The following USP53 variants were observed in gnomAD, a reference collection of about 807,000 sequenced individuals.
USP53 encodes ubiquitin carboxyl-terminal hydrolase 53.
Under a neutral mutation model 94.9 loss-of-function variants are expected in USP53, and 71 were observed. The observed-to-expected ratio is 0.75, with a 90% confidence interval of 0.62 to 0.91. The LOEUF (loss-of-function observed/expected upper bound fraction) is 0.91. Ranked by LOEUF, USP53 falls within the 40% of genes least tolerant of loss-of-function variation. USP53 has a pLI of 0.00. For missense variants in USP53, 1,173 were observed against 1,281.0 expected (o/e 0.92, Z 1.29); for synonymous variants, 375 against 422.7 (o/e 0.89, Z 1.39).
intron 17 of USP53, among the ~76,000 whole-genome samples, chr4:119,285,675 A>G (rs935071025): frequency 2.0e-5 from 3 of 152,084 alleles, no homozygotes; most frequent in South Asian, 2.1e-4. Context: ...ATACATATAC[A>G]TAAGTTTTCT....
rs143163443 is a variant in USP53, at chr4:119,238,526, T to C, written c.-542-692T>C. Among the ~76,000 whole-genome samples, 605 of 152,262 alleles carry C rather than the reference T, an allele frequency of 4.0e-3. 4 individuals are homozygous for C. The highest frequency in any genetic ancestry group is 6.7e-3 in the Non-Finnish European group (457 of 68,002). Reference sequence around the variant, plus strand: ...CAGATCAGCATAACAGATACAGTAATAATGAAAAAGAATTACTGAAGTGTG... The same window carrying C: ...CAGATCAGCATAACAGATACAGTAACAATGAAAAAGAATTACTGAAGTGTG... On this transcript the variant is annotated intron_variant, in intron 4 of 18. Transcript: ENST00000692078.
intron 17 of USP53, among the ~76,000 whole-genome samples, chr4:119,274,310 A>G (rs954342166): frequency 7.4e-6 from 1 of 135,720 alleles, no homozygotes; most frequent in Non-Finnish European, 1.5e-5. Context: ...ATGTGATCTC[A>G]TTGTTCAATT....
In USP53 at chr4:119,230,037, A is replaced by C. The variant is rs376976631; in HGVS notation, c.-664-5253A>C. Reference sequence around the variant, plus strand: ...GTGCTCGTTTTTCAATATATAATAAAATGTAACCTCTCCAAGAAGCCTATT... The same window carrying C: ...GTGCTCGTTTTTCAATATATAATAACATGTAACCTCTCCAAGAAGCCTATT... On this transcript the variant is annotated intron_variant, in intron 3 of 18. Coordinates refer to ENST00000692078, the MANE Select transcript of USP53 (RefSeq NM_001371395.1). Among the ~76,000 whole-genome samples, 57 of 152,300 alleles carry C rather than the reference A, an allele frequency of 3.7e-4. 1 individual carries two copies. The South Asian group carries it at 0.012, about 31-fold the overall frequency.
intron 4 of USP53, among the ~76,000 whole-genome samples, chr4:119,238,919 G>C (rs1014392428): frequency 6.6e-6 from 1 of 152,112 alleles, no homozygotes; most frequent in African/African-American, 2.4e-5. Context: ...GAGCAATTTA[G>C]TGTTGACAGA....
At chr4:119,258,775 A>G (rs1298374386) in intron 9 of USP53, among the ~76,000 whole-genome samples, 2 of 152,218 alleles carry the variant, frequency 1.3e-5, no homozygotes, top group Non-Finnish European at 2.9e-5. Context: ...AACTGCTCCC[A>G]TGATTCAGTT....
At chr4:119,287,569 T>G (rs1485269549) in intron 17 of USP53, among the ~76,000 whole-genome samples, 1 of 152,164 alleles carries the variant, frequency 6.6e-6, no homozygotes, top group Non-Finnish European at 1.5e-5. Flanking sequence ...TTCATAGATT[T>G]GGTGTACAGT....
rs927332900 is a variant in USP53, at chr4:119,229,448, T to C, written c.-664-5842T>C. On this transcript the variant is annotated intron_variant, in intron 3 of 18. Coordinates refer to ENST00000692078, the MANE Select transcript of USP53 (RefSeq NM_001371395.1). Reference sequence around the variant, plus strand: ...CTAAATATTTACTGGGTCTCTCCCCTTGAATGTTCTGTAGAAACTCATTCA... The same window carrying C: ...CTAAATATTTACTGGGTCTCTCCCCCTGAATGTTCTGTAGAAACTCATTCA... Among the ~76,000 whole-genome samples the C allele has an allele frequency of 2.4e-4, 37 of 151,398 alleles. 1 individual carries two copies. Among genetic ancestry groups the C allele is most frequent in the Non-Finnish European group, 8.8e-5 (6 of 68,032 alleles).
In USP53 at chr4:119,294,656, G is replaced by A. The variant is rs905487639; in HGVS notation, c.*1445G>A. On this transcript the variant is annotated 3_prime_UTR_variant, in exon 19 of 19. Coordinates refer to ENST00000692078, the MANE Select transcript of USP53 (RefSeq NM_001371395.1). ...CCACTTGACTGATTGCGTAAATCGT[G>A]TTAAAACATTCTAAAATGTTGTAAC... is the stretch of plus-strand genomic sequence containing the variant. 3.3e-5 allele frequency: 5 copies of A among 152,030 alleles called. No homozygotes were observed. The highest frequency in any genetic ancestry group is 2.6e-4 in the Admixed American group (4 of 15,252). 9.4% of individuals were successfully genotyped at this position (152,030 alleles called of 1,614,324 possible). A position where few individuals can be genotyped will look rare whatever the true frequency, so the allele number is the denominator to read the frequency against.
At chr4:119,237,490 C>T (rs1043564144) in intron 4 of USP53, among the ~76,000 whole-genome samples, 1 of 151,952 alleles carries the variant, frequency 6.6e-6, no homozygotes, top group African/African-American at 2.4e-5. Context: ...CAGAGCGGCT[C>T]CCTCGCTGCT....
intron 17 of USP53, among the ~76,000 whole-genome samples, chr4:119,279,476 G>A (rs1217634665): frequency 6.8e-6 from 1 of 147,578 alleles, no homozygotes; most frequent in Non-Finnish European, 1.5e-5. Context: ...CTCCAGCTGC[G>A]TGCTGGGAGA....
At chr4:119,242,258 A>G (rs1431464919) in intron 5 of USP53, among the ~76,000 whole-genome samples, 1 of 152,086 alleles carries the variant, frequency 6.6e-6, no homozygotes, top group African/African-American at 2.4e-5. Context: ...GGTTATGGAT[A>G]TTTTTATATT....
chr4:119,216,532 CCTT>C (rs1283977924), intron 2 of USP53, among the ~76,000 whole-genome samples: 1 of 152,114 alleles, frequency 6.6e-6, no homozygotes. Flanking sequence ...CTCATTTTCT[CCTT>C]CTCTCCTTTC....
At chr4:119,273,759 A>T in intron 17 of USP53, 51 bp downstream of exon 17, 1 of 1,462,220 alleles carries the variant, frequency 6.8e-7, no homozygotes, top group Non-Finnish European at 9.4e-7. Context: ...GAATTATAGT[A>T]ATTTATTGTT....
At chr4:119,241,078 C>A (rs1333016927) in intron 5 of USP53, among the ~76,000 whole-genome samples, 1 of 152,052 alleles carries the variant, frequency 6.6e-6, no homozygotes, top group East Asian at 1.9e-4. Flanking sequence ...TTTTCCTATT[C>A]TTTTTACCTT....
chr4:119,228,285 A>G (rs1215757939), intron 3 of USP53, among the ~76,000 whole-genome samples: 1 of 152,162 alleles, frequency 6.6e-6, no homozygotes, highest in African/African-American at 2.4e-5. Context: ...TTTCTTTGTT[A>G]GCTGTCAACC....
intron 12 of USP53, among the ~76,000 whole-genome samples, chr4:119,266,501 A>C (rs62328380): frequency 0.092 from 14,047 of 152,162 alleles, 838 homozygotes; most frequent in Non-Finnish European, 0.13. Flanking sequence ...TGTATGTATA[A>C]TATTATCTCA....
In USP53 at chr4:119,293,119, T is replaced by C. The variant is rs774407489; in HGVS notation, c.3130T>C (p.Cys1044Arg). 6.2e-7 allele frequency: 1 copy of C among 1,613,944 alleles called. No individual in the cohort carries two copies. The highest frequency in any genetic ancestry group is 1.7e-5 in the Admixed American group (1 of 60,018). Residue 1044 changes from cysteine (C) to arginine (R), a missense_variant, in exon 19 of 19, where the codon TGC becomes CGC. By Grantham distance (180) the Cys-to-Arg change is radical. Coordinates refer to ENST00000692078, the MANE Select transcript of USP53 (RefSeq NM_001371395.1). ...SLTTYFSVDS[C>R]MTDTYRLKYH... ...AACTACCTATTTTTCAGTTGATAGC[T>C]GCATGACGGATACATATAGATTGAA...
intron 17 of USP53, 86 bp from the exon 18 acceptor site, chr4:119,291,079 G>T (rs941096180): frequency 7.6e-6 from 5 of 658,710 alleles, no homozygotes; most frequent in African/African-American, 5.7e-5. Flanking sequence ...TGTAAATATA[G>T]AAAAGTATAA....
chr4:119,291,688 T>C (rs1026124034), intron 18 of USP53, among the ~76,000 whole-genome samples: 2 of 152,128 alleles, frequency 1.3e-5, no homozygotes, highest in Non-Finnish European at 2.9e-5. Context: ...AGAAAATAAC[T>C]ATTACCTAAA....
Sources: gnomAD v4.1 joint callset for allele counts (sites outside exome capture counted in the v4.1 genomes callset) on GRCh38, gnomAD v4.1.1 for gene constraint, MANE v1.5 for transcripts, NCBI Gene and HGNC (gene_info 2026-07-23, HGNC 2026-07-21) for gene names.